The following SHC3 variants were observed in gnomAD, a reference collection of about 807,000 sequenced individuals.
The protein encoded by SHC3 is SHC-transforming protein 3.
A neutral mutation model predicts 60.4 loss-of-function variants in SHC3; 15 were observed. The observed-to-expected ratio is 0.25, with a 90% CI of 0.17 to 0.38. The LOEUF is 0.38. SHC3 is among the 10% of genes least tolerant of loss of function. The probability of loss-of-function intolerance (pLI) is 1.00; values close to 1 mark genes in which losing one functional copy is unlikely to be tolerated. For synonymous variants in SHC3, 294 were observed against 325.9 expected, an observed-to-expected ratio of 0.90 and a Z score of 1.05; for missense variants, 677 against 786.1, an observed-to-expected ratio of 0.86 and a Z score of 1.66.
At chr9:89,118,805 A>T (rs1360730477) in intron 1 of SHC3, among the ~76,000 whole-genome samples, 3 of 152,176 alleles carry the variant, frequency 2.0e-5, no homozygotes, top group African/African-American at 7.2e-5. Flanking sequence ...CAAAGCGAGG[A>T]CTCAGAAATT....
At chr9:89,124,331 T>C (rs1826133223) in intron 1 of SHC3, among the ~76,000 whole-genome samples, 1 of 152,192 alleles carries the variant, frequency 6.6e-6, no homozygotes, top group Non-Finnish European at 1.5e-5. Flanking sequence ...AGCAATCCCA[T>C]TACTGAGTAT....
chr9:89,159,219 C>T (rs1372060119), intron 1 of SHC3, among the ~76,000 whole-genome samples: 1 of 152,116 alleles, frequency 6.6e-6, no homozygotes, highest in African/African-American at 2.4e-5. Flanking sequence ...GAACTAAAGA[C>T]CAAATTATTC....
intron 11 of SHC3, among the ~76,000 whole-genome samples, chr9:89,028,705 T>A (rs920529017): frequency 6.9e-6 from 1 of 144,874 alleles, no homozygotes; most frequent in Non-Finnish European, 1.5e-5. Flanking sequence ...CTATATATTC[T>A]ATATATATCT....
At chr9:89,077,975 G>T in intron 2 of SHC3, 72 bp from the exon 3 acceptor site, 1 of 1,537,998 alleles carries the variant, frequency 6.5e-7, no homozygotes, top group Non-Finnish European at 9.0e-7. Context: ...TGCTACACTT[G>T]CACATCCAAA....
intron 2 of SHC3, among the ~76,000 whole-genome samples, chr9:89,098,661 A>C (rs948820531): frequency 2.5e-4 from 38 of 152,168 alleles, no homozygotes; most frequent in African/African-American, 7.0e-4. Context: ...ATACAAAAAA[A>C]TTAGCCGGGC....
chr9:89,031,869 T>C (rs916945621), intron 11 of SHC3, among the ~76,000 whole-genome samples: 4 of 152,234 alleles, frequency 2.6e-5, no homozygotes, highest in African/African-American at 7.2e-5. Flanking sequence ...AAATGCTCCA[T>C]GTTTCTCAGC....
intron 11 of SHC3, among the ~76,000 whole-genome samples, chr9:89,035,854 T>TATATA (rs1376173933): frequency 5.4e-5 from 4 of 73,862 alleles, no homozygotes; most frequent in African/African-American, 2.0e-4. Flanking sequence ...TATATAGATG[T>TATATA]GTGTGTGTGT....
intron 11 of SHC3, among the ~76,000 whole-genome samples, chr9:89,035,087 G>C (rs1269219974): frequency 6.6e-6 from 1 of 152,170 alleles, no homozygotes; most frequent in Non-Finnish European, 1.5e-5. Context: ...TCCTCTGTTG[G>C]ATTACCAATA....
intron 11 of SHC3, among the ~76,000 whole-genome samples, chr9:89,034,076 T>C (rs9410301): frequency 0.39 from 59,835 of 152,088 alleles, 13,901 homozygotes; most frequent in East Asian, 0.97. Flanking sequence ...GTAGAGTTTA[T>C]GACAGGATTA....
rs1008663682 is a variant in SHC3, at chr9:89,112,608, C to T, written c.493G>A (p.Val165Ile). ...TCAAGAGACCTCATTGAGCGCAGAA[C>T]TTCAATGCACCCCAAGTACTGCAAG... ...YVVKYLGCIE[V>I]LRSMRSLDFS... Residue 165 changes from valine to isoleucine, a missense_variant, in exon 2 of 12, where the codon GTT becomes ATT. Val to Ile is a conservative substitution (Grantham distance 29). Coordinates refer to ENST00000375835, the MANE Select transcript of SHC3 (RefSeq NM_016848.6). 3.1e-6 allele frequency: 5 copies of T among 1,594,454 alleles called. No homozygotes were observed. In the African/African-American group the frequency reaches 6.8e-5, roughly 22 times the overall value.
rs188906259 is a variant in SHC3 at position 89,019,406 on chromosome 9, A to G, written c.1657-5831T>C. Among the ~76,000 whole-genome samples, 147 of 152,288 alleles carry G rather than the reference A, an allele frequency of 9.7e-4. 1 individual carries two copies. The highest frequency in any genetic ancestry group is 2.8e-4 in the Non-Finnish European group (19 of 68,030). On this transcript the variant is annotated intron_variant, in intron 11 of 11. Coordinates refer to ENST00000375835, the MANE Select transcript of SHC3 (RefSeq NM_016848.6). ...AGAAGGCCTCACCTACAGTGTCCAAAAGTAAGACAGTAAGATAGAAAAGAA... is the reference window on the plus strand; with the variant it reads ...AGAAGGCCTCACCTACAGTGTCCAAGAGTAAGACAGTAAGATAGAAAAGAA...
At position 89,013,383 on chromosome 9, in the gene SHC3, C is replaced by T. The variant is rs1826038905; in HGVS notation, c.*64G>A. On this transcript the variant is annotated 3_prime_UTR_variant, in exon 12 of 12. Coordinates refer to ENST00000375835, the MANE Select transcript of SHC3 (RefSeq NM_016848.6). ...GCAGCTGTCCCAGTTCCAGCAGCCCCGATTCTAGTCCACTCCAGGTCCTCC... is the reference window on the plus strand; with the variant it reads ...GCAGCTGTCCCAGTTCCAGCAGCCCTGATTCTAGTCCACTCCAGGTCCTCC... 2.3e-5 allele frequency: 33 copies of T among 1,406,406 alleles called. No individual in the cohort carries two copies. Among genetic ancestry groups the T allele is most frequent in the South Asian group, 5.7e-5 (3 of 52,358 alleles). The allele number at this position is 1,406,406 out of a possible 1,614,324, so 87.1% of individuals were successfully genotyped here.
chr9:89,163,285 A>G (rs951273592), intron 1 of SHC3, among the ~76,000 whole-genome samples: 2 of 152,212 alleles, frequency 1.3e-5, no homozygotes, highest in African/African-American at 4.8e-5. Flanking sequence ...CTATAAAGAC[A>G]CATGCACATG....
intron 1 of SHC3, among the ~76,000 whole-genome samples, chr9:89,166,802 AG>A (rs1403011435): frequency 6.6e-6 from 1 of 152,182 alleles, no homozygotes; most frequent in Non-Finnish European, 1.5e-5. Context: ...AGCGGGGAAC[AG>A]ACCTCAGGAG....
At chr9:89,134,192 A>T (rs1826288850) in intron 1 of SHC3, among the ~76,000 whole-genome samples, 1 of 152,116 alleles carries the variant, frequency 6.6e-6, no homozygotes, top group Admixed American at 6.6e-5. Context: ...AGTAGAATAT[A>T]CTTTTGGTAA....
intron 2 of SHC3, among the ~76,000 whole-genome samples, chr9:89,095,954 G>T (rs753233585): frequency 6.6e-6 from 1 of 152,130 alleles, no homozygotes; most frequent in African/African-American, 2.4e-5. Context: ...TGGGACACCC[G>T]AGGCAGCATC....
intron 1 of SHC3, among the ~76,000 whole-genome samples, chr9:89,167,517 A>G (rs972847818): frequency 1.3e-5 from 2 of 152,210 alleles, no homozygotes; most frequent in Non-Finnish European, 2.9e-5. Context: ...TGTGGGAAGC[A>G]GGAGGGAATC....
chr9:89,048,901 A>AG (rs1419127883), intron 7 of SHC3, among the ~76,000 whole-genome samples: 1 of 152,228 alleles, frequency 6.6e-6, no homozygotes, highest in East Asian at 1.9e-4. Context: ...GGATAAGGTG[A>AG]GGGGGGTGTC....
At chr9:89,065,451 T>C (rs745698540) in intron 6 of SHC3, 78 bp downstream of exon 6, 17 of 1,454,034 alleles carry the variant, frequency 1.2e-5, no homozygotes, top group Non-Finnish European at 1.6e-5. Flanking sequence ...GGGGCTGAGA[T>C]AACGAGGACC....
Sources: gnomAD v4.1 joint callset for allele counts (sites outside exome capture counted in the v4.1 genomes callset) on GRCh38, gnomAD v4.1.1 for gene constraint, MANE v1.5 for transcripts, NCBI Gene and HGNC (gene_info 2026-07-23, HGNC 2026-07-21) for gene names.